PRKN: variants seen among roughly 807,000 people sequenced by gnomAD.
PRKN encodes parkin RBR E3 ubiquitin protein ligase.
Under a neutral mutation model 59.5 loss-of-function variants are expected in PRKN, and 56 were observed. The ratio of observed to expected loss-of-function variants is 0.94; its 90% CI spans 0.76 to 1.18. The LOEUF is 1.18. PRKN is among the 50% of genes most tolerant of loss of function. PRKN has a pLI of 0.00. For synonymous variants in PRKN, 250 were observed against 222.1 expected (o/e 1.13, Z -1.12); for missense variants, 657 against 596.4 (o/e 1.10, Z -1.06).
chr6:162,295,997 T>C (rs1028839181), intron 2 of PRKN, among the ~76,000 whole-genome samples: 2 of 152,144 alleles, frequency 1.3e-5, no homozygotes, highest in Non-Finnish European at 2.9e-5. Context: ...TAAAAAGATA[T>C]ATCCCATGAA....
chr6:162,316,442 T>G (rs748905604), intron 2 of PRKN, among the ~76,000 whole-genome samples: 1 of 152,078 alleles, frequency 6.6e-6, no homozygotes, highest in Non-Finnish European at 1.5e-5. Flanking sequence ...TAAGACCAAT[T>G]TAAGCATAGG....
intron 3 of PRKN, among the ~76,000 whole-genome samples, chr6:162,235,902 AAAGGAAGGAAGGAAGG>A (rs777894905): frequency 0.012 from 903 of 73,256 alleles, 34 homozygotes; most frequent in African/African-American, 0.035. Context: ...AGAAAGAAGG[AAAGGAAGGAAGGAAGG>A]AAGGAAGGAA....
intron 7 of PRKN, among the ~76,000 whole-genome samples, chr6:161,658,866 T>G (rs1434519261): frequency 6.6e-6 from 1 of 152,208 alleles, no homozygotes; most frequent in East Asian, 1.9e-4. Context: ...GTCCTGCACA[T>G]TAAAAGTTCT....
At chr6:162,010,361 T>C (rs1782459912) in intron 5 of PRKN, among the ~76,000 whole-genome samples, 1 of 117,994 alleles carries the variant, frequency 8.5e-6, no homozygotes, top group African/African-American at 3.4e-5. Flanking sequence ...ATTTATTATA[T>C]GTAATATACA....
chr6:162,384,859 G>A (rs1052585284), intron 2 of PRKN, among the ~76,000 whole-genome samples: 2 of 152,064 alleles, frequency 1.3e-5, no homozygotes, highest in Non-Finnish European at 2.9e-5. Context: ...GTTTAAGGAA[G>A]TAGAGTAAGT....
At chr6:162,315,915 C>G (rs2128119699) in intron 2 of PRKN, among the ~76,000 whole-genome samples, 1 of 152,200 alleles carries the variant, frequency 6.6e-6, no homozygotes, top group South Asian at 2.1e-4. Context: ...CGCATCTACT[C>G]AACCTATTTC....
chr6:161,951,844 C>A (rs997394178), intron 6 of PRKN, among the ~76,000 whole-genome samples: 15 of 151,712 alleles, frequency 9.9e-5, no homozygotes, highest in Non-Finnish European at 1.8e-4. Flanking sequence ...ATTGCTTGAA[C>A]CCAGAAGGCG....
intron 1 of PRKN, among the ~76,000 whole-genome samples, chr6:162,570,485 A>T (rs1780275705): frequency 6.6e-6 from 1 of 152,238 alleles, no homozygotes; most frequent in South Asian, 2.1e-4. Flanking sequence ...AAAAGAAAGG[A>T]AATCAGTGTA....
intron 9 of PRKN, among the ~76,000 whole-genome samples, chr6:161,436,646 G>A (rs1208803110): frequency 6.6e-6 from 1 of 151,994 alleles, no homozygotes; most frequent in Non-Finnish European, 1.5e-5. Flanking sequence ...ATGGGAACGT[G>A]GGTCAAATTG....
At chr6:161,969,698 T>G (rs930044156) in intron 6 of PRKN, among the ~76,000 whole-genome samples, 2 of 152,182 alleles carry the variant, frequency 1.3e-5, no homozygotes, top group Admixed American at 6.5e-5. Flanking sequence ...TCCAGTATGA[T>G]AAGGAGTTCA....
intron 4 of PRKN, among the ~76,000 whole-genome samples, chr6:162,161,995 CCAAAAGAAA>C (rs1462094565): frequency 5.3e-5 from 8 of 151,846 alleles, no homozygotes; most frequent in Non-Finnish European, 4.4e-5. Flanking sequence ...ACAGATTCAA[CCAAAAGAAA>C]CAAAATGATA....
intron 3 of PRKN, among the ~76,000 whole-genome samples, chr6:162,243,013 A>G (rs1233588971): frequency 3.3e-5 from 5 of 151,546 alleles, no homozygotes; most frequent in East Asian, 3.9e-4. Context: ...GTTCCTTAAA[A>G]AAAAAAAAAC....
chr6:161,694,162 G>C (rs980282775), intron 7 of PRKN, among the ~76,000 whole-genome samples: 4 of 152,086 alleles, frequency 2.6e-5, no homozygotes, highest in African/African-American at 7.2e-5. Context: ...GAGAACTTTT[G>C]ATATCCTTCA....
At chr6:161,945,111 T>TA (rs1208270194) in intron 6 of PRKN, among the ~76,000 whole-genome samples, 17 of 118,620 alleles carry the variant, frequency 1.4e-4, no homozygotes, top group African/African-American at 2.4e-4. Context: ...TATAACTTTT[T>TA]TAAAAAAAAG....
intron 3 of PRKN, among the ~76,000 whole-genome samples, chr6:162,220,809 T>C (rs1777894466): frequency 6.6e-6 from 1 of 151,972 alleles, no homozygotes; most frequent in Non-Finnish European, 1.5e-5. Context: ...TGACTGAAAT[T>C]TGGAGTCATG....
At chr6:162,709,187 A>G (rs1395942667) in intron 1 of PRKN, among the ~76,000 whole-genome samples, 1 of 152,174 alleles carries the variant, frequency 6.6e-6, no homozygotes, top group East Asian at 1.9e-4. Context: ...ATTGTAATAT[A>G]TAATTATTTC....
intron 1 of PRKN, among the ~76,000 whole-genome samples, chr6:162,466,921 A>G (rs775947442): frequency 2.6e-5 from 4 of 152,154 alleles, no homozygotes; most frequent in Non-Finnish European, 4.4e-5. Flanking sequence ...CCTCGTTTCA[A>G]TAAATAAGCA....
At chr6:162,362,749 TAC>T (rs1785207227) in intron 2 of PRKN, among the ~76,000 whole-genome samples, 9 of 152,062 alleles carry the variant, frequency 5.9e-5, no homozygotes, top group Admixed American at 6.6e-5. Context: ...GTGGCCAGGG[TAC>T]GTGAGGAAGC....
At chr6:161,435,054 A>G (rs1487934385) in intron 9 of PRKN, among the ~76,000 whole-genome samples, 3 of 152,266 alleles carry the variant, frequency 2.0e-5, no homozygotes, top group Admixed American at 6.5e-5. Flanking sequence ...CCTTTGGCCA[A>G]TTGCATTTTT....
Sources: gnomAD v4.1 joint callset for allele counts (sites outside exome capture counted in the v4.1 genomes callset) on GRCh38, gnomAD v4.1.1 for gene constraint, MANE v1.5 for transcripts, NCBI Gene and HGNC (gene_info 2026-07-23, HGNC 2026-07-21) for gene names.